The following RAD23A variants were observed in gnomAD, a reference collection of about 807,000 sequenced individuals.
RAD23A encodes the protein lysine-specific demethylase RAD23A.
RAD23A carries 16 observed loss-of-function variants against 44.8 expected under a neutral mutation model. The ratio of observed to expected loss-of-function variants is 0.36; its 90% CI spans 0.24 to 0.54. The LOEUF is 0.54. RAD23A is among the 20% of genes least tolerant of loss of function. The pLI, the probability that RAD23A is intolerant of heterozygous loss-of-function variation, is 0.89. For synonymous variants in RAD23A, 217 were observed against 202.9 expected (o/e 1.07, Z -0.59); for missense variants, 380 against 483.3 (o/e 0.79, Z 2.00).
At chr19:12,950,590 A>C (rs1336189864) in intron 7 of RAD23A, among the ~76,000 whole-genome samples, 2 of 151,956 alleles carry the variant, frequency 1.3e-5, no homozygotes, top group African/African-American at 4.8e-5. Flanking sequence ...TTTAGTAGAG[A>C]TGGGATTTCA....
intron 1 of RAD23A, 76 bp downstream of exon 1, chr19:12,946,096 C>G: frequency 7.5e-7 from 1 of 1,331,060 alleles, no homozygotes; most frequent in South Asian, 1.3e-5. Flanking sequence ...GGCTAGAATC[C>G]CAACGGGAGG....
In RAD23A at chr19:12,949,355, C is replaced by T; in HGVS notation, c.760C>T (p.Leu254=). ...MRQVIQQNPA[L]LPALLQQLGQ... is the part of the protein sequence containing the mutation. ...GCAGGTGATTCAGCAGAACCCTGCGCTGCTGCCCGCCCTGCTCCAGCAGCT... is the reference window on the plus strand; with the variant it reads ...GCAGGTGATTCAGCAGAACCCTGCGTTGCTGCCCGCCCTGCTCCAGCAGCT... The change falls in exon 7 of 9, where the codon CTG becomes TTG. Residue 254 remains leucine, a synonymous_variant. Transcript: ENST00000586534. 4 of 1,614,134 alleles carry T rather than the reference C, an allele frequency of 2.5e-6. No homozygotes were observed. Among genetic ancestry groups the T allele is most frequent in the East Asian group, 2.2e-5 (1 of 44,882 alleles).
intron 7 of RAD23A, among the ~76,000 whole-genome samples, chr19:12,950,358 C>T (rs563918973): frequency 6.6e-6 from 1 of 152,288 alleles, no homozygotes; most frequent in African/African-American, 2.4e-5. Context: ...ACTGCATAGT[C>T]CCACAGTCCA....
chr19:12,946,265 C>T (rs944138372), intron 1 of RAD23A, among the ~76,000 whole-genome samples: 5 of 152,190 alleles, frequency 3.3e-5, no homozygotes, highest in Non-Finnish European at 7.4e-5. Flanking sequence ...GGCCAGGCCC[C>T]GGCTCCAATG....
chr19:12,945,865 GC>G lies in RAD23A; in HGVS notation c.-83del. 1 of 1,464,418 alleles carries G rather than the reference GC, an allele frequency of 6.8e-7. No homozygotes were observed. Among genetic ancestry groups the G allele is most frequent in the Non-Finnish European group, 9.4e-7 (1 of 1,066,458 alleles). The allele number at this position is 1,464,418 out of a possible 1,614,324, so 90.7% of individuals were successfully genotyped here. On this transcript the variant is annotated 5_prime_UTR_variant, in exon 1 of 9. Transcript: ENST00000586534. ...CCGGAAGTGGTCGGCGCGCGGCGCG[GC>G]GCGCCTGGGCGCTAAGATGGCGGCG...
chr19:12,950,401 ACTTT>A (rs759160086), intron 7 of RAD23A, among the ~76,000 whole-genome samples: 74 of 147,880 alleles, frequency 5.0e-4, no homozygotes, highest in Non-Finnish European at 1.0e-3. Context: ...ACTAAAAAGC[ACTTT>A]CTTTTCTTTT....
chr19:12,949,555 C>CAGGG, intron 7 of RAD23A, 147 bp downstream of exon 7: 1 of 1,113,086 alleles, frequency 9.0e-7, no homozygotes, highest in Non-Finnish European at 1.3e-6. Flanking sequence ...TTCCTGTGAC[C>CAGGG]TGGTGACCCC....
intron 7 of RAD23A, chr19:12,952,382 G>A: frequency 3.9e-6 from 1 of 258,882 alleles, no homozygotes; most frequent in Non-Finnish European, 7.5e-6. Context: ...AGTAGAGATG[G>A]GGGTTCACCA....
At chr19:12,952,384 G>A (rs1664616660) in intron 7 of RAD23A, 1 of 263,462 alleles carries the variant, frequency 3.8e-6, no homozygotes, top group Non-Finnish European at 7.4e-6. Flanking sequence ...TAGAGATGGG[G>A]GTTCACCATG....
intron 1 of RAD23A, 119 bp from the exon 2 acceptor site, chr19:12,947,729 C>G: frequency 1.1e-6 from 1 of 931,206 alleles, no homozygotes; most frequent in Non-Finnish European, 1.6e-6. Context: ...GCTGAGAAAG[C>G]TTAAAAAACC....
intron 1 of RAD23A, among the ~76,000 whole-genome samples, chr19:12,947,151 G>T (rs950369206): frequency 1.3e-5 from 2 of 152,204 alleles, no homozygotes; most frequent in East Asian, 3.8e-4. Context: ...GGCCAGGCAC[G>T]GTGGCTCATG....
intron 7 of RAD23A, among the ~76,000 whole-genome samples, chr19:12,952,016 G>A (rs1235134091): frequency 1.3e-5 from 2 of 151,450 alleles, no homozygotes; most frequent in East Asian, 2.0e-4. Context: ...TCTGCCTCCT[G>A]TGTTCAAGTG....
At chr19:12,951,317 C>G (rs1971805607) in intron 7 of RAD23A, among the ~76,000 whole-genome samples, 1 of 152,180 alleles carries the variant, frequency 6.6e-6, no homozygotes, top group South Asian at 2.1e-4. Context: ...ACGTCTTTTC[C>G]CATGTAACTG....
In RAD23A at chr19:12,953,170, T is replaced by G; in HGVS notation, c.*121T>G. 1 of 725,444 alleles carries G rather than the reference T, an allele frequency of 1.4e-6. No individual in the cohort carries two copies. Among genetic ancestry groups the G allele is most frequent in the Middle Eastern group, 4.2e-4 (1 of 2,408 alleles). The allele number at this position is 725,444 out of a possible 1,614,324, so 44.9% of individuals were successfully genotyped here. A position where few individuals can be genotyped will look rare whatever the true frequency, so the allele number is the denominator to read the frequency against. On this transcript the variant is annotated 3_prime_UTR_variant, in exon 9 of 9. Coordinates refer to ENST00000586534, the MANE Select transcript of RAD23A (RefSeq NM_005053.4). ...AAATGGAAAAAAAAATCAAAAATCT[T>G]AAAAAAACAAGCAAACAGTCCAGCT...
intron 7 of RAD23A, chr19:12,949,609 C>A: frequency 1.6e-6 from 1 of 627,510 alleles, no homozygotes; most frequent in Non-Finnish European, 2.7e-6. Context: ...GGTGTGGGTG[C>A]TGTCAACATC....
In RAD23A at chr19:12,952,738, C is replaced by T. The variant is rs747360004; in HGVS notation, c.863C>T (p.Pro288Leu). The T allele has an allele frequency of 7.4e-6, 12 of 1,613,076 alleles. 1 individual carries two copies. Among genetic ancestry groups the T allele is most frequent in the Middle Eastern group, 3.7e-4 (2 of 5,384 alleles). Residue 288 changes from proline to leucine, a missense_variant, in exon 8 of 9, where the codon CCT becomes CTT. This residue lies in a region of RAD23A where 279 missense variants were observed against 313.7 expected (regional missense o/e 0.89). Coordinates refer to ENST00000586534, the MANE Select transcript of RAD23A (RefSeq NM_005053.4). Reference protein sequence around the residue: ...EQFIQMLNEPPGELADISDVE... With the variant: ...EQFIQMLNEPLGELADISDVE... ...TTCATCCAGATGCTGAACGAGCCCC[C>T]TGGGGAGCTGGCGGACATCTCAGAT...
chr19:12,947,143 C>T lies in RAD23A; in HGVS notation c.73-705C>T, dbSNP rs45597036. On this transcript the variant is annotated intron_variant, in intron 1 of 8. Coordinates refer to ENST00000586534, the MANE Select transcript of RAD23A (RefSeq NM_005053.4). Reference sequence around the variant, plus strand: ...TATACATTTACAGTAGCACTATTGGCCAGGCACGGTGGCTCATGCCTCTAA... The same window carrying T: ...TATACATTTACAGTAGCACTATTGGTCAGGCACGGTGGCTCATGCCTCTAA... 1.2e-4 allele frequency among the ~76,000 whole-genome samples: 18 copies of T among 152,336 alleles called. No homozygotes were observed. In the East Asian group the frequency reaches 3.3e-3, roughly 28 times the overall value.
chr19:12,948,059 G>A lies in RAD23A; in HGVS notation c.234+50G>A, dbSNP rs1177195451. ...GGGTGGGTGGACGAGCTGGGGAGCTGGCAAAGAGCCTGTGTGCCCAGGAGA... is the reference window on the plus strand; with the variant it reads ...GGGTGGGTGGACGAGCTGGGGAGCTAGCAAAGAGCCTGTGTGCCCAGGAGA... On this transcript the variant is annotated intron_variant, in intron 2 of 8. Coordinates refer to ENST00000586534, the MANE Select transcript of RAD23A (RefSeq NM_005053.4). The surrounding 1 kb of genome is among the most constrained non-coding windows in gnomAD (Gnocchi z 5.5). 1 of 1,608,928 alleles carries A rather than the reference G, an allele frequency of 6.2e-7. No homozygotes were observed. Among genetic ancestry groups the A allele is most frequent in the Admixed American group, 1.7e-5 (1 of 59,964 alleles).
chr19:12,951,477 G>T (rs145815875), intron 7 of RAD23A, among the ~76,000 whole-genome samples: 4 of 151,802 alleles, frequency 2.6e-5, no homozygotes, highest in Non-Finnish European at 4.4e-5. Context: ...ATGGAGTTTC[G>T]CTCTTGTTGC....
Sources: gnomAD v4.1 joint callset for allele counts (sites outside exome capture counted in the v4.1 genomes callset) on GRCh38, gnomAD v4.1.1 for gene constraint, gnomAD v4.1.1 regional missense constraint, Gnocchi (gnomAD v3.1) non-coding constraint, MANE v1.5 for transcripts, NCBI Gene and HGNC (gene_info 2026-07-23, HGNC 2026-07-21) for gene names.